The following NEDD9 variants were observed in gnomAD, a reference collection of about 807,000 sequenced individuals.
The protein encoded by NEDD9 is neural precursor cell expressed, developmentally down-regulated 9.
NEDD9 carries 26 observed loss-of-function variants against 76.6 expected under a neutral mutation model. The observed-to-expected ratio is 0.34, with a 90% confidence interval of 0.25 to 0.47. The LOEUF (loss-of-function observed/expected upper bound fraction) is 0.47. Among genes scored for constraint, NEDD9 ranks in the 20% least tolerant of loss-of-function variants. NEDD9 has a pLI of 1.00. For synonymous variants in NEDD9, 392 were observed against 414.2 expected (o/e 0.95, Z 0.65); for missense variants, 937 against 1,058.5 (o/e 0.89, Z 1.59).
At chr6:11,226,203 T>A (rs1285768129) in intron 1 of NEDD9, among the ~76,000 whole-genome samples, 1 of 152,166 alleles carries the variant, frequency 6.6e-6, no homozygotes, top group Admixed American at 6.5e-5. Context: ...ATGGCTGGAA[T>A]GTTCAAAGTA....
At position 11,183,357 on chromosome 6, in the gene NEDD9, C is replaced by T. The variant is rs1243021502; in HGVS notation, c.*1805G>A. On this transcript the variant is annotated 3_prime_UTR_variant, in exon 7 of 7. Coordinates refer to ENST00000379446, the MANE Select transcript of NEDD9 (RefSeq NM_006403.4). ...AAAATAGCCTCTACATACAAGACGG[C>T]AAAGAGTAATACAGATTGAACATTT... The T allele has an allele frequency of 6.6e-6, 1 of 152,090 alleles. No individual in the cohort carries two copies. Among genetic ancestry groups the T allele is most frequent in the Non-Finnish European group, 1.5e-5 (1 of 68,008 alleles). The allele number at this position is 152,090 out of a possible 1,614,324, so 9.4% of individuals were successfully genotyped here.
chr6:11,362,255 C>T (rs1022904493), intron 1 of NEDD9, among the ~76,000 whole-genome samples: 33 of 152,090 alleles, frequency 2.2e-4, no homozygotes, highest in African/African-American at 7.0e-4. Context: ...CAACAGGCAC[C>T]CTATTTCAGA....
chr6:11,364,283 A>G (rs1200681499), intron 1 of NEDD9, among the ~76,000 whole-genome samples: 1 of 152,152 alleles, frequency 6.6e-6, no homozygotes. Context: ...TGACTCCCCT[A>G]GGAGAGGACT....
chr6:11,247,145 C>T (rs1440862694), intron 3 of NEDD9, among the ~76,000 whole-genome samples: 1 of 152,130 alleles, frequency 6.6e-6, no homozygotes, highest in Non-Finnish European at 1.5e-5. Context: ...ATGATCTCTC[C>T]CTCCTTCTGA....
chr6:11,240,094 G>A (rs1372685092), intron 3 of NEDD9, among the ~76,000 whole-genome samples: 1 of 151,638 alleles, frequency 6.6e-6, no homozygotes, highest in Non-Finnish European at 1.5e-5. Context: ...GAGGTGGAGG[G>A]TAGTGTCTTC....
In NEDD9 at chr6:11,185,545, G is replaced by C; in HGVS notation, c.2122C>G (p.Leu708Val). 6.2e-7 allele frequency: 1 copy of C among 1,614,228 alleles called. No individual in the cohort carries two copies. The highest frequency in any genetic ancestry group is 8.5e-7 in the Non-Finnish European group (1 of 1,180,038). ...TCACATTGGTCATAGTAGAAGCACAGCAACTGCCGATCCTGAGCACTCACG... is the reference window on the plus strand; with the variant it reads ...TCACATTGGTCATAGTAGAAGCACACCAACTGCCGATCCTGAGCACTCACG... Reference protein sequence around the residue: ...SGVSAQDRQLLCFYYDQCETH... With the variant: ...SGVSAQDRQLVCFYYDQCETH... The change falls in exon 7 of 7, where the codon CTG (leucine) becomes GTG (valine). Residue 708 changes from leucine (L) to valine (V), a missense_variant. Physicochemically the swap from Leu to Val is conservative, Grantham distance 32. Coordinates refer to ENST00000379446, the MANE Select transcript of NEDD9 (RefSeq NM_006403.4).
chr6:11,275,223 G>A (rs1760391572), intron 3 of NEDD9, among the ~76,000 whole-genome samples: 1 of 152,136 alleles, frequency 6.6e-6, no homozygotes. Flanking sequence ...AGAGTAGAAA[G>A]GTGGTTATGA....
intron 1 of NEDD9, among the ~76,000 whole-genome samples, chr6:11,229,232 AGAAT>A (rs1266749410): frequency 6.6e-6 from 1 of 152,262 alleles, no homozygotes; most frequent in Non-Finnish European, 1.5e-5. Flanking sequence ...AAAACGTTAA[AGAAT>A]GAATTTGTTG....
chr6:11,261,709 A>T (rs1463470935), intron 3 of NEDD9, among the ~76,000 whole-genome samples: 1 of 152,238 alleles, frequency 6.6e-6, no homozygotes, highest in African/African-American at 2.4e-5. Context: ...GATGCGGATC[A>T]TGGAAAATCC....
At chr6:11,227,704 A>G (rs1448404506) in intron 1 of NEDD9, among the ~76,000 whole-genome samples, 2 of 152,226 alleles carry the variant, frequency 1.3e-5, no homozygotes, top group Non-Finnish European at 2.9e-5. Flanking sequence ...CTTAAAACTA[A>G]ACAGGCCCAG....
chr6:11,323,690 A>G (rs1761862057), intron 2 of NEDD9, among the ~76,000 whole-genome samples: 1 of 152,208 alleles, frequency 6.6e-6, no homozygotes, highest in Non-Finnish European at 1.5e-5. Context: ...CTAATGCAGA[A>G]GACTTAGTCA....
intron 3 of NEDD9, among the ~76,000 whole-genome samples, chr6:11,299,058 A>G (rs1760972578): frequency 6.6e-6 from 1 of 152,148 alleles, no homozygotes; most frequent in Non-Finnish European, 1.5e-5. Flanking sequence ...GGGAAATGCA[A>G]GGGGTTGGGG....
chr6:11,275,696 C>T (rs552762399), intron 3 of NEDD9, among the ~76,000 whole-genome samples: 109 of 152,254 alleles, frequency 7.2e-4, no homozygotes, highest in African/African-American at 2.6e-3. Flanking sequence ...AGGATAGAAA[C>T]AAGCACAGAG....
intron 1 of NEDD9, among the ~76,000 whole-genome samples, chr6:11,230,806 A>G (rs1343014538): frequency 6.6e-6 from 1 of 152,234 alleles, no homozygotes; most frequent in East Asian, 1.9e-4. Context: ...ATGAATGCCA[A>G]TCGCAGTTTA....
chr6:11,228,584 G>A (rs1759377509), intron 1 of NEDD9, among the ~76,000 whole-genome samples: 1 of 146,630 alleles, frequency 6.8e-6, no homozygotes, highest in Non-Finnish European at 1.5e-5. Context: ...GAAGACTGGA[G>A]TGAAGGGAGA....
At chr6:11,378,036 A>G (rs957177818) in intron 1 of NEDD9, among the ~76,000 whole-genome samples, 1 of 152,150 alleles carries the variant, frequency 6.6e-6, no homozygotes, top group African/African-American at 2.4e-5. Context: ...TGAGGTCAGG[A>G]GCTCAAGACC....
At chr6:11,192,150 A>G (rs1278221422) in intron 4 of NEDD9, among the ~76,000 whole-genome samples, 195 bp downstream of exon 4, 1 of 152,186 alleles carries the variant, frequency 6.6e-6, no homozygotes, top group Non-Finnish European at 1.5e-5. Context: ...TGAAATCCCT[A>G]GAGCTATCTT....
intron 1 of NEDD9, among the ~76,000 whole-genome samples, chr6:11,224,481 G>A (rs935850258): frequency 8.5e-5 from 13 of 152,306 alleles, no homozygotes; most frequent in African/African-American, 2.2e-4. Context: ...AGGGGAGCAT[G>A]CAAGGGAAAG....
intron 1 of NEDD9, among the ~76,000 whole-genome samples, chr6:11,376,307 G>C (rs931028811): frequency 2.0e-5 from 3 of 152,212 alleles, no homozygotes; most frequent in Non-Finnish European, 2.9e-5. Flanking sequence ...AAAGGACTCA[G>C]AAAAAGACAG....
Sources: gnomAD v4.1 joint callset for allele counts (sites outside exome capture counted in the v4.1 genomes callset) on GRCh38, gnomAD v4.1.1 for gene constraint, MANE v1.5 for transcripts, NCBI Gene and HGNC (gene_info 2026-07-23, HGNC 2026-07-21) for gene names.